The following PLXDC2 variants were observed in gnomAD, a reference collection of about 807,000 sequenced individuals.
PLXDC2 encodes plexin domain-containing protein 2.
PLXDC2 carries 40 observed loss-of-function variants against 68.9 expected under a neutral mutation model. The ratio of observed to expected loss-of-function variants is 0.58; its 90% confidence interval spans 0.45 to 0.76. PLXDC2 has a LOEUF of 0.76. PLXDC2 is among the 30% of genes least tolerant of loss of function. The pLI is 0.00. For synonymous variants in PLXDC2, 243 were observed against 234.2 expected (o/e 1.04, Z -0.34); for missense variants, 644 against 661.9 (o/e 0.97, Z 0.30).
chr10:19,842,787 C>A (rs887709295), intron 1 of PLXDC2, among the ~76,000 whole-genome samples: 3 of 151,326 alleles, frequency 2.0e-5, no homozygotes, highest in African/African-American at 7.3e-5. Flanking sequence ...TAATGAATAT[C>A]CTTCTCTCTC....
chr10:19,865,207 G>A (rs1589507974), intron 1 of PLXDC2, among the ~76,000 whole-genome samples: 2 of 152,294 alleles, frequency 1.3e-5, no homozygotes, highest in East Asian at 1.9e-4. Context: ...TGAAAGCTGG[G>A]ACATCTCAGT....
At chr10:19,952,059 G>T (rs575722285) in intron 1 of PLXDC2, among the ~76,000 whole-genome samples, 2 of 152,212 alleles carry the variant, frequency 1.3e-5, no homozygotes, top group Admixed American at 6.5e-5. Flanking sequence ...CAGTACTTGG[G>T]TGACAAAATC....
intron 5 of PLXDC2, 35 bp downstream of exon 5, chr10:20,143,452 A>G (rs750560919): frequency 6.2e-6 from 10 of 1,609,150 alleles, no homozygotes; most frequent in South Asian, 2.2e-5. Flanking sequence ...TGCTGCATGT[A>G]TATTTTTAAA....
intron 9 of PLXDC2, among the ~76,000 whole-genome samples, chr10:20,210,700 A>T (rs1835058060): frequency 6.6e-6 from 1 of 152,196 alleles, no homozygotes; most frequent in Admixed American, 6.5e-5. Context: ...GGAAAAAGAG[A>T]TGAGTTAAAA....
intron 1 of PLXDC2, among the ~76,000 whole-genome samples, chr10:19,945,394 C>T (rs1833885669): frequency 6.6e-6 from 1 of 152,148 alleles, no homozygotes; most frequent in Admixed American, 6.5e-5. Flanking sequence ...TCATGCAGTC[C>T]TGCTGGTGAT....
At chr10:19,843,996 T>C (rs1836953282) in intron 1 of PLXDC2, among the ~76,000 whole-genome samples, 1 of 152,180 alleles carries the variant, frequency 6.6e-6, no homozygotes, top group African/African-American at 2.4e-5. Context: ...CCCTGACTGA[T>C]GGTTATATAT....
chr10:19,817,949 C>G (rs938001527), intron 1 of PLXDC2, among the ~76,000 whole-genome samples: 13 of 152,274 alleles, frequency 8.5e-5, no homozygotes, highest in African/African-American at 2.9e-4. Context: ...AGGTGCGCGT[C>G]CTGCGGGGAG....
intron 2 of PLXDC2, among the ~76,000 whole-genome samples, chr10:20,005,380 A>G (rs189903674): frequency 6.6e-5 from 10 of 152,258 alleles, no homozygotes; most frequent in Admixed American, 6.5e-4. Context: ...GATTATTGGG[A>G]TCTAAAGTCC....
At chr10:20,264,006 C>T (rs1480900684) in intron 13 of PLXDC2, among the ~76,000 whole-genome samples, 1 of 152,066 alleles carries the variant, frequency 6.6e-6, no homozygotes, top group African/African-American at 2.4e-5. Flanking sequence ...CCTAAAGACA[C>T]ATGCACTCAA....
chr10:19,974,341 CA>C (rs1460879759), intron 1 of PLXDC2, among the ~76,000 whole-genome samples: 2 of 152,188 alleles, frequency 1.3e-5, no homozygotes, highest in Non-Finnish European at 2.9e-5. Flanking sequence ...GTTCCACAAC[CA>C]GCTGGTGGTT....
chr10:20,106,846 A>G (rs892431132), intron 4 of PLXDC2, among the ~76,000 whole-genome samples: 1 of 151,936 alleles, frequency 6.6e-6, no homozygotes, highest in South Asian at 2.1e-4. Flanking sequence ...TTTTTACTAT[A>G]TACCATATAC....
intron 7 of PLXDC2, among the ~76,000 whole-genome samples, chr10:20,165,437 C>T (rs1037739333): frequency 1.3e-5 from 2 of 151,894 alleles, no homozygotes; most frequent in Non-Finnish European, 2.9e-5. Flanking sequence ...TTTCCCCCCA[C>T]CCCACAACAG....
Position 19,991,257 on chromosome 10 carries a change from A to C in PLXDC2, c.113-10518A>C, listed in dbSNP as rs538377774. Among the ~76,000 whole-genome samples, 16 of 151,790 alleles carry C rather than the reference A, an allele frequency of 1.1e-4. No individual in the cohort carries two copies. In the East Asian group the frequency reaches 1.4e-3, roughly 13 times the overall value. On this transcript the variant is annotated intron_variant, in intron 1 of 13. Coordinates refer to ENST00000377252, the MANE Select transcript of PLXDC2 (RefSeq NM_032812.9). ...CCGAAACTCTCTCTCAAAAAAAAAA[A>C]AACAACAACTGTGATTCAGTTTGTG... is the stretch of plus-strand genomic sequence containing the variant.
intron 3 of PLXDC2, among the ~76,000 whole-genome samples, chr10:20,065,627 C>A (rs1287075916): frequency 6.6e-6 from 1 of 152,084 alleles, no homozygotes; most frequent in Non-Finnish European, 1.5e-5. Flanking sequence ...AGTGGGAGTC[C>A]TGAGCTTGTT....
intron 1 of PLXDC2, among the ~76,000 whole-genome samples, chr10:19,864,007 C>G (rs1837368177): frequency 6.6e-6 from 1 of 151,906 alleles, no homozygotes; most frequent in South Asian, 2.1e-4. Flanking sequence ...TTTATTAAAC[C>G]TGGGAAGATT....
At chr10:19,858,713 T>C (rs1325498967) in intron 1 of PLXDC2, among the ~76,000 whole-genome samples, 1 of 151,950 alleles carries the variant, frequency 6.6e-6, no homozygotes. Flanking sequence ...GTATTTGCAT[T>C]GTAGAGTGGT....
intron 1 of PLXDC2, among the ~76,000 whole-genome samples, chr10:19,973,490 CT>C (rs1176335772): frequency 2.7e-5 from 4 of 150,412 alleles, no homozygotes; most frequent in Non-Finnish European, 5.9e-5. Flanking sequence ...TTCAAAGATA[CT>C]TTAGGCTTTC....
rs1836109458 is a variant in PLXDC2 at position 20,283,571 on chromosome 10, T to A, written c.*3752T>A. On this transcript the variant is annotated 3_prime_UTR_variant, in exon 14 of 14. Transcript: ENST00000377252. ...ATTGCTTCAGTTTCTTTTCTGCCCA[T>A]CTGAATATTTCCTTTAGTATTTGTC... The A allele has an allele frequency of 6.6e-6, 1 of 152,236 alleles. No homozygotes were observed. The highest frequency in any genetic ancestry group is 1.5e-5 in the Non-Finnish European group (1 of 68,044). 9.4% of individuals were successfully genotyped at this position (152,236 alleles called of 1,614,324 possible).
intron 4 of PLXDC2, among the ~76,000 whole-genome samples, chr10:20,112,684 C>T (rs972631773): frequency 2.0e-5 from 3 of 152,224 alleles, no homozygotes; most frequent in Admixed American, 6.5e-5. Context: ...AATTTTCTCA[C>T]TTTGCCTTAA....
Sources: allele counts gnomAD v4.1 joint callset (sites outside exome capture counted in the v4.1 genomes callset), GRCh38; gene constraint gnomAD v4.1.1; transcripts MANE v1.5; gene names NCBI Gene and HGNC (gene_info 2026-07-23, HGNC 2026-07-21).